Variants in ARHGAP32 observed in about 807,000 individuals in gnomAD.
ARHGAP32 encodes the protein Rho GTPase activating protein 32, also known as rho GTPase-activating protein 32.
In ARHGAP32, 51 loss-of-function variants were observed where a neutral mutation model predicts 186.5. The ratio of observed to expected loss-of-function variants is 0.27; its 90% CI spans 0.22 to 0.35. The LOEUF is 0.35. Among genes scored for constraint, ARHGAP32 ranks in the 10% least tolerant of loss-of-function variants. The pLI, the probability that ARHGAP32 is intolerant of heterozygous loss-of-function variation, is 1.00. For missense variants in ARHGAP32, 2,186 were observed against 2,623.5 expected (o/e 0.83, Z 3.64); for synonymous variants, 950 against 964.3 (o/e 0.99, Z 0.27).
At chr11:129,212,635 T>C (rs1324057207) in intron 1 of ARHGAP32, among the ~76,000 whole-genome samples, 2 of 152,202 alleles carry the variant, frequency 1.3e-5, no homozygotes, top group Non-Finnish European at 2.9e-5. Context: ...CAGAATGTTA[T>C]TGCTCCAATA....
intron 1 of ARHGAP32, among the ~76,000 whole-genome samples, chr11:129,228,334 G>T (rs1210470161): frequency 6.6e-6 from 1 of 151,906 alleles, no homozygotes; most frequent in Admixed American, 6.6e-5. Flanking sequence ...TAAATTCAAA[G>T]CAAGCAGATA....
chr11:129,021,551 G>A (rs973643897), intron 11 of ARHGAP32, among the ~76,000 whole-genome samples: 3 of 151,876 alleles, frequency 2.0e-5, no homozygotes, highest in Non-Finnish European at 4.4e-5. Flanking sequence ...ATGGTCATAC[G>A]GTTAAGATAA....
At chr11:129,196,850 A>G (rs1944398152), upstream of ARHGAP32, among the ~76,000 whole-genome samples, 1 of 152,148 alleles carries the variant, frequency 6.6e-6, no homozygotes, top group Non-Finnish European at 1.5e-5. Context: ...TGAGGTCTGG[A>G]GTTCGAGACC....
At chr11:129,035,930 G>A (rs1444463623) in intron 11 of ARHGAP32, among the ~76,000 whole-genome samples, 3 of 152,110 alleles carry the variant, frequency 2.0e-5, no homozygotes, top group African/African-American at 4.8e-5. Flanking sequence ...AGGTACGCTA[G>A]GTTTTTCTTG....
chr11:129,004,382 T>C (rs1377035170), intron 11 of ARHGAP32, among the ~76,000 whole-genome samples: 2 of 151,910 alleles, frequency 1.3e-5, no homozygotes, highest in African/African-American at 2.4e-5. Context: ...TAAATATTTA[T>C]TAGGTCTATT....
intron 10 of ARHGAP32, among the ~76,000 whole-genome samples, chr11:129,049,830 C>T (rs1477511302): frequency 2.0e-5 from 3 of 152,156 alleles, no homozygotes; most frequent in African/African-American, 4.8e-5. Context: ...TATAAAGATG[C>T]TATGAACATT....
In ARHGAP32 at chr11:129,063,993, T is replaced by G. The variant is rs1326227078; in HGVS notation, c.794A>C (p.His265Pro). 6.2e-7 allele frequency: 1 copy of G among 1,612,084 alleles called. No homozygotes were observed. Among genetic ancestry groups the G allele is most frequent in the Non-Finnish European group, 8.5e-7 (1 of 1,179,024 alleles). The part of the protein sequence containing the change: ...IDNKGNHLLV[H>P]EESSINTPAV... ...AGGAGTGTTGATGGATGACTCCTCA[T>G]GAACCAAAAGGTGATTTCCCTTATT... Residue 265 changes from histidine (H) to proline (P), a missense_variant, in exon 9 of 23, where the codon CAT (histidine) becomes CCT (proline). By Grantham distance (77) the His-to-Pro change is moderately conservative. This residue lies in a region of ARHGAP32 where 308 missense variants were observed against 596.5 expected (regional missense o/e 0.52). Transcript: ENST00000682385.
intron 10 of ARHGAP32, among the ~76,000 whole-genome samples, chr11:129,058,923 T>G (rs1395704878): frequency 4.6e-5 from 7 of 152,206 alleles, no homozygotes; most frequent in Admixed American, 4.6e-4. Context: ...GGGGACATCA[T>G]GAACAGTCTG....
intron 10 of ARHGAP32, among the ~76,000 whole-genome samples, chr11:129,052,422 C>A (rs1940089630): frequency 6.6e-6 from 1 of 152,068 alleles, no homozygotes; most frequent in South Asian, 2.1e-4. Flanking sequence ...GTTTAACTTG[C>A]TTGTATATTT....
At chr11:129,064,419 T>C (rs1279244369) in intron 8 of ARHGAP32, among the ~76,000 whole-genome samples, 1 of 152,126 alleles carries the variant, frequency 6.6e-6, no homozygotes, top group Non-Finnish European at 1.5e-5. Flanking sequence ...TAACTCTACA[T>C]ATGCACATTA....
At position 129,064,932 on chromosome 11, in the gene ARHGAP32, G is replaced by A. The variant is rs558922787; in HGVS notation, c.671C>T (p.Ser224Leu). 5 of 1,580,694 alleles carry A rather than the reference G, an allele frequency of 3.2e-6. No homozygotes were observed. Among genetic ancestry groups the A allele is most frequent in the South Asian group, 2.3e-5 (2 of 85,894 alleles). The change falls in exon 8 of 23, where the codon TCG becomes TTG. Residue 224 changes from serine to leucine, a missense_variant and splice_region_variant. Ser to Leu is a moderately radical substitution (Grantham distance 145). This residue lies in a region of ARHGAP32 where 308 missense variants were observed against 596.5 expected (regional missense o/e 0.52). Transcript: ENST00000682385. ...GTAAGCCATAAGCATCTGAGTGACC[G>A]ACTGAAAAGAAAAAGATCAGTGTAA... ...RSDTLKDSPE[S>L]VTQMLMAYLS... is the part of the protein sequence containing the mutation.
At chr11:129,107,073 T>G (rs1024742644) in intron 5 of ARHGAP32, among the ~76,000 whole-genome samples, 2 of 152,106 alleles carry the variant, frequency 1.3e-5, no homozygotes, top group African/African-American at 4.8e-5. Context: ...AAGAAGCAAC[T>G]GGTCACATAT....
chr11:129,193,540 A>C (rs1224657648), upstream of ARHGAP32, among the ~76,000 whole-genome samples: 2 of 34,996 alleles, frequency 5.7e-5, no homozygotes, highest in Non-Finnish European at 1.0e-4. Flanking sequence ...TAATATATAT[A>C]TTATATATAA....
Position 129,216,387 on chromosome 11 carries a change from T to C in ARHGAP32, c.-4-51960A>G, listed in dbSNP as rs1944645952. Among the ~76,000 whole-genome samples, 3 of 152,126 alleles carry C rather than the reference T, an allele frequency of 2.0e-5. No homozygotes were observed. The South Asian group carries it at 6.2e-4, about 32-fold the overall frequency. On this transcript the variant is annotated intron_variant, in intron 1 of 6. Coordinates refer to the ARHGAP32 transcript ENST00000525234. ...TTCATTTATTCTAATTCTTTATTAATATGTATATTTAAGGCCGGTGGCAGT... is the reference window on the plus strand; with the variant it reads ...TTCATTTATTCTAATTCTTTATTAACATGTATATTTAAGGCCGGTGGCAGT...
chr11:129,124,333 C>G (rs1942607042), intron 3 of ARHGAP32, among the ~76,000 whole-genome samples: 1 of 152,148 alleles, frequency 6.6e-6, no homozygotes, highest in Non-Finnish European at 1.5e-5. Context: ...CATGTTGGCA[C>G]TCAAAAAGTT....
intron 10 of ARHGAP32, among the ~76,000 whole-genome samples, chr11:129,049,852 TTC>T (rs1187512215): frequency 6.6e-6 from 1 of 152,230 alleles, no homozygotes; most frequent in Non-Finnish European, 1.5e-5. Context: ...ATGTATGAGT[TTC>T]TATATGGACA....
chr11:129,022,282 A>T (rs572341206), intron 11 of ARHGAP32, among the ~76,000 whole-genome samples: 6 of 152,248 alleles, frequency 3.9e-5, no homozygotes, highest in Admixed American at 3.9e-4. Context: ...AATCACATGT[A>T]CTTTAATGTC....
At chr11:129,197,490 A>C (rs557492479) in intron 1 of ARHGAP32, among the ~76,000 whole-genome samples, 1 of 152,304 alleles carries the variant, frequency 6.6e-6, no homozygotes, top group African/African-American at 2.4e-5. Context: ...ATGTCTCCTT[A>C]ATTGGGCACC....
chr11:129,074,580 G>A (rs1441191334), intron 6 of ARHGAP32, among the ~76,000 whole-genome samples: 3 of 151,816 alleles, frequency 2.0e-5, no homozygotes, highest in African/African-American at 4.8e-5. Context: ...TGCAACCTCC[G>A]CCTCCCAGGT....
Sources: allele counts gnomAD v4.1 joint callset (sites outside exome capture counted in the v4.1 genomes callset), GRCh38; gene constraint gnomAD v4.1.1; regional missense constraint gnomAD v4.1.1; transcripts MANE v1.5; gene names NCBI Gene and HGNC (gene_info 2026-07-23, HGNC 2026-07-21).